The following PPIL1 variants were observed in gnomAD, a reference collection of about 807,000 sequenced individuals.
The protein encoded by PPIL1 is peptidylprolyl isomerase like 1.
PPIL1 carries 14 observed loss-of-function variants against 19.4 expected under a neutral mutation model. The observed-to-expected ratio is 0.72, with a 90% CI of 0.48 to 1.13. The LOEUF is 1.13. Among genes scored for constraint, PPIL1 ranks in the 50% most tolerant of loss-of-function variants. The pLI is 0.00. For missense variants in PPIL1, 192 were observed against 218.0 expected, an observed-to-expected ratio of 0.88 and a Z score of 0.75; for synonymous variants, 72 against 73.6, an observed-to-expected ratio of 0.98 and a Z score of 0.11.
chr6:36,856,664 T>C lies in PPIL1; in HGVS notation c.212-10A>G, dbSNP rs775483907. On this transcript the variant is annotated splice_polypyrimidine_tract_variant and intron_variant, in intron 2 of 3. Transcript: ENST00000373699. ...GATGCACCACCTCGACCTGCCCGAT[T>C]GGAAGATGACACATGAATCAGCCAG... 28 of 1,613,260 alleles carry C rather than the reference T, an allele frequency of 1.7e-5. No individual in the cohort carries two copies. Among genetic ancestry groups the C allele is most frequent in the Non-Finnish European group, 2.4e-5 (28 of 1,179,338 alleles).
At chr6:36,869,813 G>A (rs1436264451) in intron 2 of PPIL1, among the ~76,000 whole-genome samples, 1 of 152,200 alleles carries the variant, frequency 6.6e-6, no homozygotes, top group Admixed American at 6.5e-5. Context: ...ACTGTAGGAA[G>A]TCAAATATTC....
intron 1 of PPIL1, 139 bp downstream of exon 1, chr6:36,874,578 G>A (rs1449854794): frequency 1.7e-6 from 2 of 1,185,812 alleles, no homozygotes; most frequent in Non-Finnish European, 2.4e-6. Context: ...TCAACCCTCT[G>A]GGGGCCGTCT....
Position 36,855,953 on chromosome 6 carries a change from A to G in PPIL1, c.361T>C (p.Trp121Arg), listed in dbSNP as rs745821421. The G allele has an allele frequency of 6.2e-7, 1 of 1,614,180 alleles. No homozygotes were observed. The highest frequency in any genetic ancestry group is 1.1e-5 in the South Asian group (1 of 91,086). Residue 121 changes from tryptophan to arginine, a missense_variant, in exon 4 of 4, where the codon TGG (tryptophan) becomes CGG (arginine). Transcript: ENST00000373699. ...QFFVTLAPTQWLDGKHTIFGR... is the reference protein window; with the variant it reads ...QFFVTLAPTQRLDGKHTIFGR... ...AAAATGGTGTGTTTGCCGTCAAGCC[A>G]CTGGGTGGGGGCGAGGGTCACAAAG...
intron 2 of PPIL1, among the ~76,000 whole-genome samples, chr6:36,863,122 G>A (rs79003861): frequency 0.012 from 1,775 of 152,290 alleles, 24 homozygotes; most frequent in African/African-American, 0.032. Flanking sequence ...ACACACAGTA[G>A]TGTCAGTGAT....
intron 2 of PPIL1, among the ~76,000 whole-genome samples, chr6:36,863,916 G>C (rs1362246843): frequency 6.6e-6 from 1 of 151,784 alleles, no homozygotes; most frequent in East Asian, 1.9e-4. Context: ...CTCCTCCTCC[G>C]CCCCTCTGCT....
intron 2 of PPIL1, among the ~76,000 whole-genome samples, chr6:36,868,751 G>A (rs1440560522): frequency 6.6e-6 from 1 of 152,032 alleles, no homozygotes; most frequent in Admixed American, 6.6e-5. Flanking sequence ...TAGGAGAAAT[G>A]CTTGAGCCCA....
At chr6:36,860,756 G>T (rs1583108857) in intron 2 of PPIL1, among the ~76,000 whole-genome samples, 6 of 110,602 alleles carry the variant, frequency 5.4e-5, no homozygotes, top group East Asian at 2.4e-4. Context: ...ACACATATAT[G>T]TATCCCTAAA....
rs984465652 is a variant in PPIL1 at position 36,855,516 on chromosome 6, G to A, written c.*297C>T. On this transcript the variant is annotated 3_prime_UTR_variant, in exon 4 of 4. Transcript: ENST00000373699. ...GACAGTGGCTGCTACATTGTTCGAC[G>A]TATATCAGAGCAGACATGCACAAGA... 2 of 381,080 alleles carry A rather than the reference G, an allele frequency of 5.2e-6. No homozygotes were observed. Among genetic ancestry groups the A allele is most frequent in the South Asian group, 2.6e-5 (1 of 37,880 alleles). The allele number at this position is 381,080 out of a possible 1,614,324, so 23.6% of individuals were successfully genotyped here. A position where few individuals can be genotyped will look rare whatever the true frequency, so the allele number is the denominator to read the frequency against.
chr6:36,874,684 C>G, intron 1 of PPIL1, 33 bp downstream of exon 1: 2 of 1,611,720 alleles, frequency 1.2e-6, no homozygotes, highest in Non-Finnish European at 1.7e-6. Context: ...TCCGCGTCTC[C>G]TCTGCCAGCC....
chr6:36,858,368 T>C (rs1274453670), intron 2 of PPIL1, among the ~76,000 whole-genome samples: 16 of 151,986 alleles, frequency 1.1e-4, no homozygotes, highest in Admixed American at 1.0e-3. Flanking sequence ...CTGAACTACA[T>C]TGGTTTCTCC....
chr6:36,858,065 C>T (rs1043648367), intron 2 of PPIL1, among the ~76,000 whole-genome samples: 16 of 150,946 alleles, frequency 1.1e-4, no homozygotes, highest in African/African-American at 3.7e-4. Context: ...CCCATCTCTA[C>T]TAAAAATACA....
At chr6:36,857,162 AG>A (rs1370747001) in intron 2 of PPIL1, among the ~76,000 whole-genome samples, 5 of 152,210 alleles carry the variant, frequency 3.3e-5, no homozygotes, top group Non-Finnish European at 5.9e-5. Context: ...CCCAGAACTC[AG>A]GCAGCCGTTA....
intron 2 of PPIL1, among the ~76,000 whole-genome samples, chr6:36,866,749 G>T (rs1284942304): frequency 6.6e-6 from 1 of 152,042 alleles, no homozygotes; most frequent in African/African-American, 2.4e-5. Flanking sequence ...AACATGAGGG[G>T]GAGAGAGGAA....
At chr6:36,874,531 C>A (rs1774595054) in intron 1 of PPIL1, among the ~76,000 whole-genome samples, 186 bp downstream of exon 1, 1 of 152,206 alleles carries the variant, frequency 6.6e-6, no homozygotes, top group Admixed American at 6.5e-5. Flanking sequence ...AGCACAAGAC[C>A]CCGCGGAGCT....
chr6:36,860,529 T>C (rs1171401529), intron 2 of PPIL1, among the ~76,000 whole-genome samples: 1 of 152,052 alleles, frequency 6.6e-6, no homozygotes, highest in Non-Finnish European at 1.5e-5. Flanking sequence ...CACGCAAACA[T>C]ACAAAGAATA....
chr6:36,859,424 CAAA>C (rs36097489), intron 2 of PPIL1, among the ~76,000 whole-genome samples: 5 of 73,198 alleles, frequency 6.8e-5, no homozygotes, highest in African/African-American at 2.3e-4. Context: ...GACCCTGTCT[CAAA>C]AAAAAAAAAA....
chr6:36,861,503 A>G (rs1774287542), intron 2 of PPIL1, among the ~76,000 whole-genome samples: 2 of 152,246 alleles, frequency 1.3e-5, no homozygotes, highest in South Asian at 2.1e-4. Context: ...ATGGACCTCC[A>G]TGGTTCAAAC....
chr6:36,855,709 A>T lies in PPIL1; in HGVS notation c.*104T>A. On this transcript the variant is annotated 3_prime_UTR_variant, in exon 4 of 4. Transcript: ENST00000373699. ...GATGCCAGGCCTCCTAAGCTTCATGACTTGCAAAGCCAAAATGAATTTAGC... is the reference window on the plus strand; with the variant it reads ...GATGCCAGGCCTCCTAAGCTTCATGTCTTGCAAAGCCAAAATGAATTTAGC... The T allele has an allele frequency of 8.3e-7, 1 of 1,201,296 alleles. No homozygotes were observed. Among genetic ancestry groups the T allele is most frequent in the Non-Finnish European group, 1.2e-6 (1 of 833,010 alleles). 74.4% of individuals were successfully genotyped at this position (1,201,296 alleles called of 1,614,324 possible). A position where few individuals can be genotyped will look rare whatever the true frequency, so the allele number is the denominator to read the frequency against.
chr6:36,873,430 C>T (rs1406917049), intron 1 of PPIL1, among the ~76,000 whole-genome samples: 4 of 152,106 alleles, frequency 2.6e-5, no homozygotes, highest in Non-Finnish European at 4.4e-5. Context: ...AACATACATA[C>T]AGTATGATCA....
Sources: gnomAD v4.1 joint callset for allele counts (sites outside exome capture counted in the v4.1 genomes callset) on GRCh38, gnomAD v4.1.1 for gene constraint, MANE v1.5 for transcripts, NCBI Gene and HGNC (gene_info 2026-07-23, HGNC 2026-07-21) for gene names.